CARMIL1: variants seen among roughly 807,000 people sequenced by gnomAD.
CARMIL1 encodes capping protein regulator and myosin 1 linker 1.
CARMIL1 carries 90 observed loss-of-function variants against 177.1 expected under a neutral mutation model. The observed-to-expected ratio is 0.51, with a 90% CI of 0.43 to 0.61. The LOEUF (loss-of-function observed/expected upper bound fraction) is 0.61. CARMIL1 is among the 20% of genes least tolerant of loss of function. The probability of loss-of-function intolerance (pLI) is 0.00; values close to 1 mark genes in which losing one functional copy is unlikely to be tolerated. For synonymous variants in CARMIL1, 577 were observed against 606.2 expected, an observed-to-expected ratio of 0.95 and a Z score of 0.71; for missense variants, 1,380 against 1,667.0, an observed-to-expected ratio of 0.83 and a Z score of 3.00.
intron 2 of CARMIL1, among the ~76,000 whole-genome samples, chr6:25,322,283 C>T (rs1401532036): frequency 2.0e-5 from 3 of 152,156 alleles, no homozygotes; most frequent in South Asian, 2.1e-4. Context: ...CCACCATACC[C>T]GGCTAATTTT....
At chr6:25,396,781 T>C (rs184496768) in intron 2 of CARMIL1, among the ~76,000 whole-genome samples, 3 of 152,294 alleles carry the variant, frequency 2.0e-5, no homozygotes, top group East Asian at 3.9e-4. Flanking sequence ...CACGGAATAA[T>C]AATGGAGTCA....
intron 2 of CARMIL1, among the ~76,000 whole-genome samples, chr6:25,298,622 G>A (rs1581483521): frequency 9.6e-6 from 1 of 104,084 alleles, no homozygotes; most frequent in South Asian, 3.9e-4. Context: ...CAGTTACTTA[G>A]AGTGAAAAAA....
chr6:25,421,440 T>C (rs1795843150), intron 3 of CARMIL1, among the ~76,000 whole-genome samples: 1 of 152,140 alleles, frequency 6.6e-6, no homozygotes, highest in Non-Finnish European at 1.5e-5. Flanking sequence ...TGTAAACTAG[T>C]TCAACCACTG....
chr6:25,354,126 C>T (rs748972924), intron 2 of CARMIL1, among the ~76,000 whole-genome samples: 36 of 151,996 alleles, frequency 2.4e-4, no homozygotes, highest in Non-Finnish European at 5.1e-4. Flanking sequence ...ATGATATGTT[C>T]TGGTCAATTA....
intron 10 of CARMIL1, among the ~76,000 whole-genome samples, chr6:25,471,890 ACTG>A (rs1327193785): frequency 1.1e-4 from 16 of 152,188 alleles, no homozygotes; most frequent in African/African-American, 3.1e-4. Flanking sequence ...TAAAGATTTT[ACTG>A]CTAAGTGAGG....
chr6:25,315,476 C>T (rs1002136899), intron 2 of CARMIL1, among the ~76,000 whole-genome samples: 4 of 152,364 alleles, frequency 2.6e-5, no homozygotes, highest in South Asian at 2.1e-4. Flanking sequence ...CCACACATGG[C>T]GGCAGGTGCC....
chr6:25,561,626 A>G, intron 29 of CARMIL1, among the ~76,000 whole-genome samples: 1 of 152,216 alleles, frequency 6.6e-6, no homozygotes, highest in East Asian at 1.9e-4. Context: ...ATTCAGCAAA[A>G]GTCTATTTGA....
At position 25,482,330 on chromosome 6, in the gene CARMIL1, A is replaced by G. The variant is rs373889695; in HGVS notation, c.948A>G (p.Ser316=). The G allele has an allele frequency of 2.3e-5, 35 of 1,551,948 alleles. No homozygotes were observed. Among genetic ancestry groups the G allele is most frequent in the Non-Finnish European group, 2.1e-5 (24 of 1,132,188 alleles). Residue 316 remains serine (S), a synonymous_variant, in exon 12 of 37, where the codon TCA becomes TCG. Transcript: ENST00000329474. The stretch of plus-strand genomic sequence containing the variant: ...AGCACTTAAATTTATCTAAAACCTC[A>G]TTATCACCTAAAGGTACAGTATTTC... ...GLKHLNLSKT[S]LSPKGVNSLS...
rs192992592 is a variant in CARMIL1 at position 25,619,798 on chromosome 6, C to T, written c.*215C>T. 1.3e-5 allele frequency: 4 copies of T among 296,536 alleles called. No homozygotes were observed. The highest frequency in any genetic ancestry group is 2.2e-5 in the Non-Finnish European group (4 of 185,320). 18.4% of individuals were successfully genotyped at this position (296,536 alleles called of 1,614,324 possible). A position where few individuals can be genotyped will look rare whatever the true frequency, so the allele number is the denominator to read the frequency against. ...GATCCATTTCTTGGTAATCAAAGCA[C>T]ATTTGTTTGGTCTTCCTCCAACCCT... On this transcript the variant is annotated 3_prime_UTR_variant, in exon 37 of 37. Transcript: ENST00000329474.
At chr6:25,598,755 C>G (rs569278563) in intron 32 of CARMIL1, among the ~76,000 whole-genome samples, 1 of 152,082 alleles carries the variant, frequency 6.6e-6, no homozygotes, top group Non-Finnish European at 1.5e-5. Context: ...ATGGGGGCAC[C>G]GAAGAGCTTC....
intron 26 of CARMIL1, among the ~76,000 whole-genome samples, chr6:25,540,863 CTT>C (rs1325418285): frequency 6.6e-6 from 1 of 152,188 alleles, no homozygotes; most frequent in Non-Finnish European, 1.5e-5. Flanking sequence ...TAATTACTCT[CTT>C]TGAAAATTTA....
chr6:25,446,882 G>A (rs1798284959), intron 5 of CARMIL1, among the ~76,000 whole-genome samples: 2 of 152,180 alleles, frequency 1.3e-5, no homozygotes, highest in African/African-American at 4.8e-5. Flanking sequence ...AATGGGCTTG[G>A]TGAAAGGGAG....
chr6:25,281,136 G>GCGCGCGCACA (rs10642536), intron 1 of CARMIL1, among the ~76,000 whole-genome samples: 2,732 of 132,102 alleles, frequency 0.021, 41 homozygotes, highest in Non-Finnish European at 0.03. Context: ...GTGCGCGCGC[G>GCGCGCGCACA]CACACACACA....
intron 2 of CARMIL1, among the ~76,000 whole-genome samples, chr6:25,293,547 A>T (rs1435795661): frequency 1.4e-5 from 2 of 147,518 alleles, no homozygotes; most frequent in Non-Finnish European, 3.0e-5. Flanking sequence ...ACCATGCCGA[A>T]TTTTTTTTTT....
Position 25,619,442 on chromosome 6 carries a change from T to A in CARMIL1, c.3980-5T>A, listed in dbSNP as rs1432119344. The A allele has an allele frequency of 6.2e-7, 1 of 1,608,212 alleles. No homozygotes were observed. The highest frequency in any genetic ancestry group is 8.5e-7 in the Non-Finnish European group (1 of 1,177,912). Reference sequence around the variant, plus strand: ...TAAACTGTGCGACTTCCCTTTTTATTTCAGTTTCAAGGAGAAGCTGGGGCC... The same window carrying A: ...TAAACTGTGCGACTTCCCTTTTTATATCAGTTTCAAGGAGAAGCTGGGGCC... On this transcript the variant is annotated splice_polypyrimidine_tract_variant and splice_region_variant and intron_variant, in intron 36 of 36. Coordinates refer to ENST00000329474, the MANE Select transcript of CARMIL1 (RefSeq NM_017640.6).
Position 25,279,601 on chromosome 6 carries a change from A to C in CARMIL1, c.-195A>C. ...AGCAGCAGCAGCAAATCCGCCTCGCATTTGCAACTCTTTTTTTTTTTTTTG... is the reference window on the plus strand; with the variant it reads ...AGCAGCAGCAGCAAATCCGCCTCGCCTTTGCAACTCTTTTTTTTTTTTTTG... On this transcript the variant is annotated 5_prime_UTR_variant, in exon 1 of 37. Transcript: ENST00000329474. The C allele has an allele frequency of 1.6e-6, 1 of 609,880 alleles. No individual in the cohort carries two copies. Among genetic ancestry groups the C allele is most frequent in the South Asian group, 2.0e-5 (1 of 50,922 alleles). 37.8% of individuals were successfully genotyped at this position (609,880 alleles called of 1,614,324 possible).
intron 2 of CARMIL1, among the ~76,000 whole-genome samples, chr6:25,415,376 C>T (rs181326546): frequency 6.6e-6 from 1 of 152,078 alleles, no homozygotes; most frequent in East Asian, 1.9e-4. Flanking sequence ...CTGTCAGTGG[C>T]CTCTAGAAAC....
chr6:25,550,423 T>C (rs1582330417), intron 26 of CARMIL1, among the ~76,000 whole-genome samples: 1 of 152,230 alleles, frequency 6.6e-6, no homozygotes, highest in Admixed American at 6.5e-5. Flanking sequence ...ATTTTTCTGC[T>C]ACTGCTGTTT....
At chr6:25,467,602 T>C (rs1800733022) in intron 9 of CARMIL1, among the ~76,000 whole-genome samples, 1 of 152,188 alleles carries the variant, frequency 6.6e-6, no homozygotes, top group Non-Finnish European at 1.5e-5. Context: ...TCATCTCCTT[T>C]CAGCTGCCTT....
Sources: gnomAD v4.1 joint callset for allele counts (sites outside exome capture counted in the v4.1 genomes callset) on GRCh38, gnomAD v4.1.1 for gene constraint, MANE v1.5 for transcripts, NCBI Gene and HGNC (gene_info 2026-07-23, HGNC 2026-07-21) for gene names.